Variants in SAMD12 observed in about 807,000 individuals in gnomAD.
SAMD12 encodes sterile alpha motif domain-containing protein 12.
Under a neutral mutation model 15.0 loss-of-function variants are expected in SAMD12, and 9 were observed. The observed-to-expected ratio is 0.60, with a 90% confidence interval of 0.36 to 1.05. The LOEUF is 1.05. Among genes scored for constraint, SAMD12 ranks in the 50% least tolerant of loss-of-function variants. SAMD12 has a pLI of 0.01. For synonymous variants in SAMD12, 86 were observed against 90.1 expected (o/e 0.96, Z 0.25); for missense variants, 230 against 234.2 (o/e 0.98, Z 0.12).
chr8:118,311,113 A>C (rs1053446401), intron 4 of SAMD12, among the ~76,000 whole-genome samples: 5 of 152,260 alleles, frequency 3.3e-5, no homozygotes, highest in African/African-American at 1.2e-4. Flanking sequence ...AGAAAGATTT[A>C]GCAAACTGCT....
Position 118,379,525 on chromosome 8 carries a change from C to T in SAMD12, c.498G>A (p.Gly166=), listed in dbSNP as rs151168755. 5.9e-5 allele frequency: 95 copies of T among 1,613,778 alleles called. No homozygotes were observed. In the African/African-American group the frequency reaches 1.2e-3, roughly 20 times the overall value. ...TLLLPDGWMD[G]EIRRKTTLLL... ...GTAAGGTGGTCTTTCTTCTAATCTC[C>T]CCATCCATCCACCCATCAGGAAGCA... The change falls in exon 4 of 4, where the codon GGG becomes GGA. Residue 166 remains glycine (G), a synonymous_variant. Transcript: ENST00000314727.
the SAMD12 span, among the ~76,000 whole-genome samples, chr8:118,153,168 T>C: frequency 6.6e-6 from 1 of 152,200 alleles, no homozygotes; most frequent in Admixed American, 6.5e-5. Context: ...TAATTATTTA[T>C]TTTTCCTCAT....
intron 4 of SAMD12, among the ~76,000 whole-genome samples, chr8:118,334,276 G>C (rs1303859423): frequency 6.6e-6 from 1 of 152,072 alleles, no homozygotes; most frequent in African/African-American, 2.4e-5. Context: ...TATCATGCTA[G>C]ACCTCAACAC....
intron 3 of SAMD12, among the ~76,000 whole-genome samples, chr8:118,386,362 C>T (rs775892021): frequency 1.5e-4 from 23 of 152,220 alleles, no homozygotes; most frequent in Non-Finnish European, 2.1e-4. Flanking sequence ...TCCTCTTGCG[C>T]GTGTATAATC....
intron 2 of SAMD12, among the ~76,000 whole-genome samples, chr8:118,502,602 G>A (rs905243685): frequency 1.4e-4 from 22 of 152,150 alleles, no homozygotes; most frequent in African/African-American, 4.8e-4. Context: ...GGAATATATT[G>A]AAGAGCACAT....
intron 3 of SAMD12, chr8:118,400,215 G>A (rs948809573): frequency 6.6e-6 from 1 of 152,120 alleles, no homozygotes; most frequent in Non-Finnish European, 1.5e-5. Context: ...ATAAGTGCTC[G>A]ACACGAATTA....
chr8:118,351,399 T>G (rs1404672472), intron 4 of SAMD12, among the ~76,000 whole-genome samples: 2 of 152,128 alleles, frequency 1.3e-5, no homozygotes, highest in Admixed American at 6.5e-5. Context: ...CGGCAGAACC[T>G]TCTCCTTTTA....
intron 4 of SAMD12, among the ~76,000 whole-genome samples, chr8:118,227,240 T>C (rs1292432563): frequency 1.3e-5 from 2 of 152,154 alleles, no homozygotes; most frequent in Non-Finnish European, 2.9e-5. Flanking sequence ...CTGGAGGCCA[T>C]TATCCTTAGC....
intron 4 of SAMD12, among the ~76,000 whole-genome samples, chr8:118,223,666 A>G (rs1812128290): frequency 1.3e-5 from 2 of 152,236 alleles, no homozygotes; most frequent in Non-Finnish European, 2.9e-5. Context: ...TCTGAGAACA[A>G]TCAATAGGGC....
chr8:118,397,724 T>C (rs777207527), intron 3 of SAMD12, among the ~76,000 whole-genome samples: 27 of 152,172 alleles, frequency 1.8e-4, no homozygotes, highest in Non-Finnish European at 3.7e-4. Context: ...TCCTTAATCT[T>C]TGTGACAACC....
At chr8:118,201,147 A>T (rs891151684) in intron 4 of SAMD12, among the ~76,000 whole-genome samples, 5 of 152,240 alleles carry the variant, frequency 3.3e-5, no homozygotes, top group African/African-American at 7.2e-5. Context: ...AGTTTGCATT[A>T]GACAGCCCTG....
chr8:118,391,274 T>G (rs1226163226), intron 3 of SAMD12, among the ~76,000 whole-genome samples: 1 of 152,240 alleles, frequency 6.6e-6, no homozygotes, highest in Non-Finnish European at 1.5e-5. Context: ...GAGACTATAA[T>G]GGAAGATTTA....
chr8:118,308,184 C>A (rs770145249), intron 4 of SAMD12, among the ~76,000 whole-genome samples: 3 of 152,182 alleles, frequency 2.0e-5, no homozygotes, highest in Non-Finnish European at 2.9e-5. Context: ...CCAAATCACT[C>A]ACTCATTTGA....
intron 4 of SAMD12, among the ~76,000 whole-genome samples, chr8:118,243,403 A>G (rs1001353969): frequency 6.6e-6 from 1 of 152,146 alleles, no homozygotes; most frequent in African/African-American, 2.4e-5. Context: ...TAGCACTGCT[A>G]ACTCAACTCT....
chr8:118,447,794 C>T (rs944995138), intron 2 of SAMD12, among the ~76,000 whole-genome samples: 10 of 151,138 alleles, frequency 6.6e-5, no homozygotes, highest in South Asian at 2.1e-4. Flanking sequence ...GGCGCCATCT[C>T]GGCTCACTTC....
At chr8:118,164,345 T>G in the SAMD12 span, among the ~76,000 whole-genome samples, 7 of 152,204 alleles carry the variant, frequency 4.6e-5, no homozygotes, top group African/African-American at 1.7e-4. Flanking sequence ...CAGTTTCTGC[T>G]TCAGCTGTAA....
intron 1 of SAMD12, among the ~76,000 whole-genome samples, chr8:118,581,741 T>A (rs72678165): frequency 1.3e-5 from 2 of 152,204 alleles, no homozygotes; most frequent in African/African-American, 4.8e-5. Flanking sequence ...TTCCACTACA[T>A]AAACCACCAT....
chr8:118,414,641 G>A (rs1821591828), intron 3 of SAMD12, among the ~76,000 whole-genome samples: 1 of 152,124 alleles, frequency 6.6e-6, no homozygotes, highest in African/African-American at 2.4e-5. Context: ...TGGTGGGGTA[G>A]GGATTATCTT....
At chr8:118,386,224 C>T (rs1819948360) in intron 3 of SAMD12, among the ~76,000 whole-genome samples, 1 of 152,140 alleles carries the variant, frequency 6.6e-6, no homozygotes, top group South Asian at 2.1e-4. Flanking sequence ...ATCAACGTGT[C>T]GGAAGGGCCA....
Sources: gnomAD v4.1 joint callset for allele counts (sites outside exome capture counted in the v4.1 genomes callset) on GRCh38, gnomAD v4.1.1 for gene constraint, MANE v1.5 for transcripts, NCBI Gene and HGNC (gene_info 2026-07-23, HGNC 2026-07-21) for gene names.